Variants in AGBL3 observed in about 807,000 individuals in gnomAD.
The protein encoded by AGBL3 is AGBL carboxypeptidase 3.
AGBL3 carries 68 observed loss-of-function variants against 94.5 expected under a neutral mutation model. The ratio of observed to expected loss-of-function variants is 0.72; its 90% CI spans 0.59 to 0.88. The LOEUF is 0.88. AGBL3 is among the 40% of genes least tolerant of loss of function. The pLI is 0.00. For missense variants in AGBL3, 934 were observed against 1,103.8 expected (o/e 0.85, Z 2.18); for synonymous variants, 354 against 370.7 (o/e 0.95, Z 0.52).
At chr7:135,071,766 A>T (rs567939631) in intron 12 of AGBL3, among the ~76,000 whole-genome samples, 59 of 152,350 alleles carry the variant, frequency 3.9e-4, no homozygotes, top group African/African-American at 1.4e-3. Flanking sequence ...TTAATTCAAG[A>T]TGGATTAAAG....
chr7:135,116,894 T>C (rs532443337), intron 16 of AGBL3, among the ~76,000 whole-genome samples: 1 of 152,314 alleles, frequency 6.6e-6, no homozygotes, highest in South Asian at 2.1e-4. Context: ...TTTGTGCATG[T>C]GTCTGGGCAC....
At chr7:134,999,969 G>A (rs567675680) in intron 4 of AGBL3, among the ~76,000 whole-genome samples, 2 of 152,196 alleles carry the variant, frequency 1.3e-5, no homozygotes, top group Non-Finnish European at 2.9e-5. Flanking sequence ...ATAGGGCACA[G>A]CCCAGGTGGC....
At chr7:134,992,695 CAAACAAAGTCATACAA>C (rs1810445074) in intron 3 of AGBL3, among the ~76,000 whole-genome samples, 1 of 152,176 alleles carries the variant, frequency 6.6e-6, no homozygotes, top group South Asian at 2.1e-4. Context: ...CTGCCTTGCC[CAAACAAAGTCATACAA>C]AAACAAAGTG....
chr7:135,022,063 A>C (rs80296467), intron 5 of AGBL3, among the ~76,000 whole-genome samples: 1 of 152,100 alleles, frequency 6.6e-6, no homozygotes, highest in Non-Finnish European at 1.5e-5. Flanking sequence ...TATCCAGTCT[A>C]TCATTGATGG....
intron 15 of AGBL3, among the ~76,000 whole-genome samples, chr7:135,112,538 G>A (rs1825789121): frequency 1.3e-5 from 2 of 151,764 alleles, no homozygotes; most frequent in African/African-American, 4.8e-5. Context: ...TTTTTACTTG[G>A]CTGACTTGTG....
intron 15 of AGBL3, chr7:135,092,615 C>T (rs1459761080): frequency 6.6e-6 from 1 of 152,096 alleles, no homozygotes; most frequent in Admixed American, 6.5e-5. Context: ...TAATATGAAA[C>T]AAATGCTACT....
intron 12 of AGBL3, among the ~76,000 whole-genome samples, chr7:135,074,370 G>A (rs1478466508): frequency 6.6e-6 from 1 of 152,258 alleles, no homozygotes; most frequent in East Asian, 1.9e-4. Context: ...CATTCACCCA[G>A]ACTTCAAGAA....
At chr7:135,050,506 C>A (rs771478714) in intron 11 of AGBL3, among the ~76,000 whole-genome samples, 1 of 151,814 alleles carries the variant, frequency 6.6e-6, no homozygotes, top group Non-Finnish European at 1.5e-5. Flanking sequence ...ATTGTATTGC[C>A]GTTTCTCTCT....
intron 12 of AGBL3, among the ~76,000 whole-genome samples, chr7:135,073,276 G>A (rs1466768750): frequency 6.6e-6 from 1 of 151,826 alleles, no homozygotes; most frequent in South Asian, 2.1e-4. Flanking sequence ...GACCAGCCTG[G>A]CCAACATAGT....
chr7:135,094,195 T>C, intron 15 of AGBL3: 4 of 353,658 alleles, frequency 1.1e-5, no homozygotes, highest in South Asian at 8.7e-5. Flanking sequence ...CTTCTCGTTT[T>C]AGCTGCAACA....
chr7:135,060,683 C>T (rs142828980), intron 12 of AGBL3, among the ~76,000 whole-genome samples: 7 of 152,210 alleles, frequency 4.6e-5, no homozygotes, highest in South Asian at 2.1e-4. Context: ...TCTCACTTAA[C>T]GCAATGTCCT....
At chr7:135,119,930 C>G (rs1826907823) in intron 16 of AGBL3, among the ~76,000 whole-genome samples, 1 of 152,026 alleles carries the variant, frequency 6.6e-6, no homozygotes, top group African/African-American at 2.4e-5. Flanking sequence ...ACCTTTCCTA[C>G]AGAGGAAAAA....
chr7:135,133,067 GCACACACA>G (rs55861736), intron 16 of AGBL3, among the ~76,000 whole-genome samples: 11,815 of 150,404 alleles, frequency 0.079, 487 homozygotes, highest in Middle Eastern at 0.19. Flanking sequence ...ACGCATGCGT[GCACACACA>G]CACACACACA....
chr7:134,994,236 C>A (rs909893090), intron 4 of AGBL3, among the ~76,000 whole-genome samples: 8 of 152,158 alleles, frequency 5.3e-5, no homozygotes, highest in African/African-American at 1.9e-4. Context: ...CTTAGTGTAT[C>A]TTTATCTTCT....
intron 16 of AGBL3, chr7:135,129,198 C>G: frequency 2.1e-6 from 3 of 1,427,382 alleles, no homozygotes; most frequent in Non-Finnish European, 3.0e-6. Flanking sequence ...GTACTGCCCC[C>G]ACGCATGCTG....
In AGBL3 at chr7:135,045,864, G is replaced by A; in HGVS notation, c.1794G>A (p.Glu598=). Residue 598 remains glutamate, a synonymous_variant, in exon 11 of 17, where the codon GAG becomes GAA. Transcript: ENST00000436302. ...ERHITLEKVF[E]DSDTPVIDIT... is the part of the protein sequence containing the mutation. The stretch of plus-strand genomic sequence containing the variant: ...ATATAACCCTGGAAAAAGTCTTTGA[G>A]GATTCAGACACACCTGTGATAGACA... 4 of 1,550,690 alleles carry A rather than the reference G, an allele frequency of 2.6e-6. No homozygotes were observed. Among genetic ancestry groups the A allele is most frequent in the Non-Finnish European group, 3.5e-6 (4 of 1,146,294 alleles).
At chr7:134,996,788 T>G (rs570230944) in intron 4 of AGBL3, among the ~76,000 whole-genome samples, 2 of 152,310 alleles carry the variant, frequency 1.3e-5, no homozygotes, top group South Asian at 2.1e-4. Context: ...TCCCATAATT[T>G]CTGGTATAAG....
rs992145042 is a variant in AGBL3, at chr7:135,034,583, C to T, written c.992C>T (p.Thr331Met). ...KFCKIRVLCH[T>M]LARNMVYILT... ...TGTAAAATACGTGTTTTGTGCCACA[C>T]GCTTGCTAGGAACATGGTGTATATT... is the stretch of plus-strand genomic sequence containing the variant. Residue 331 changes from threonine to methionine, a missense_variant, in exon 7 of 17, where the codon ACG becomes ATG. Thr to Met is a moderately conservative substitution (Grantham distance 81). Around this residue, in one of 3 missense-constraint regions of AGBL3, gnomAD observed 488 missense variants for 563.6 expected, o/e 0.87. Coordinates refer to ENST00000436302, the MANE Select transcript of AGBL3 (RefSeq NM_178563.4). The T allele has an allele frequency of 1.5e-5, 24 of 1,551,664 alleles. No individual in the cohort carries two copies. Among genetic ancestry groups the T allele is most frequent in the African/African-American group, 2.7e-5 (2 of 73,038 alleles).
At chr7:135,024,931 T>C (rs79522355) in intron 5 of AGBL3, among the ~76,000 whole-genome samples, 2 of 134,008 alleles carry the variant, frequency 1.5e-5, no homozygotes, top group Non-Finnish European at 3.3e-5. Flanking sequence ...GAAGAAATAA[T>C]TTTTTTAATG....
Sources: gnomAD v4.1 joint callset for allele counts (sites outside exome capture counted in the v4.1 genomes callset) on GRCh38, gnomAD v4.1.1 for gene constraint, gnomAD v4.1.1 regional missense constraint, MANE v1.5 for transcripts, NCBI Gene and HGNC (gene_info 2026-07-23, HGNC 2026-07-21) for gene names.